TRHDE: variants seen among roughly 807,000 people sequenced by gnomAD.
TRHDE encodes the protein thyrotropin-releasing hormone-degrading ectoenzyme.
TRHDE carries 72 observed loss-of-function variants against 125.7 expected under a neutral mutation model. The observed-to-expected ratio is 0.57, with a 90% CI of 0.47 to 0.70. TRHDE has a LOEUF of 0.70. Ranked by LOEUF, TRHDE falls within the 30% of genes least tolerant of loss-of-function variation. The probability of loss-of-function intolerance (pLI) is 0.00; values close to 1 mark genes in which losing one functional copy is unlikely to be tolerated. For synonymous variants in TRHDE, 509 were observed against 509.1 expected, an observed-to-expected ratio of 1.00 and a Z score of 0.00; for missense variants, 1,110 against 1,327.1, an observed-to-expected ratio of 0.84 and a Z score of 2.54.
intron 1 of TRHDE, among the ~76,000 whole-genome samples, chr12:72,098,713 A>G (rs916117233): frequency 1.3e-5 from 2 of 152,304 alleles, no homozygotes; most frequent in Middle Eastern, 3.4e-3. Flanking sequence ...ATGAGAGACC[A>G]TGTGGAGAAC....
intron 2 of TRHDE, among the ~76,000 whole-genome samples, chr12:72,300,365 TACAC>T (rs10642447): frequency 0.018 from 1,853 of 102,604 alleles, 12 homozygotes; most frequent in African/African-American, 0.025. Flanking sequence ...TATATGTGTA[TACAC>T]ACACACACAC....
At chr12:72,092,014 A>C (rs1328410732) in intron 1 of TRHDE, among the ~76,000 whole-genome samples, 1 of 152,174 alleles carries the variant, frequency 6.6e-6, no homozygotes, top group Non-Finnish European at 1.5e-5. Context: ...TTCTGTGTTC[A>C]TCCCTTCATT....
intron 2 of TRHDE, among the ~76,000 whole-genome samples, chr12:72,246,175 C>CA (rs931996430): frequency 7.3e-5 from 11 of 151,090 alleles, no homozygotes; most frequent in African/African-American, 2.7e-4. Flanking sequence ...ATATTGTCCT[C>CA]AAAAAAAACT....
At chr12:72,514,528 C>A (rs1390679864) in intron 6 of TRHDE, among the ~76,000 whole-genome samples, 1 of 151,652 alleles carries the variant, frequency 6.6e-6, no homozygotes, top group Non-Finnish European at 1.5e-5. Flanking sequence ...ACTGAAGATA[C>A]TGTGTATTCA....
intron 3 of TRHDE, among the ~76,000 whole-genome samples, chr12:72,422,944 C>A (rs866227608): frequency 1.1e-4 from 17 of 152,102 alleles, no homozygotes; most frequent in African/African-American, 3.4e-4. Context: ...GCCTCCAGAA[C>A]TGTCAACCAA....
At chr12:72,344,704 T>G (rs557318772) in intron 2 of TRHDE, among the ~76,000 whole-genome samples, 1 of 152,072 alleles carries the variant, frequency 6.6e-6, no homozygotes, top group South Asian at 2.1e-4. Flanking sequence ...GGGTCCTGGA[T>G]TGCCCCTAAT....
At chr12:72,564,832 A>G (rs921777875) in intron 9 of TRHDE, among the ~76,000 whole-genome samples, 1 of 151,360 alleles carries the variant, frequency 6.6e-6, no homozygotes, top group Non-Finnish European at 1.5e-5. Flanking sequence ...ACACCCGGCT[A>G]ATTTTTTGTA....
intron 18 of TRHDE, among the ~76,000 whole-genome samples, chr12:72,657,573 T>C (rs1874755217): frequency 6.6e-6 from 1 of 152,170 alleles, no homozygotes; most frequent in Non-Finnish European, 1.5e-5. Flanking sequence ...CTTGGTACAA[T>C]CACAAGTGAA....
chr12:72,466,421 G>T (rs927674855), intron 3 of TRHDE, among the ~76,000 whole-genome samples: 2 of 152,166 alleles, frequency 1.3e-5, no homozygotes, highest in Admixed American at 1.3e-4. Flanking sequence ...CAGAAGGCTT[G>T]TTCCTTAGTC....
At chr12:72,109,410 G>A (rs1332409200) in intron 2 of TRHDE, among the ~76,000 whole-genome samples, 1 of 151,958 alleles carries the variant, frequency 6.6e-6, no homozygotes, top group Admixed American at 6.6e-5. Context: ...TATATGCTTG[G>A]CTGCATATAA....
intron 2 of TRHDE, among the ~76,000 whole-genome samples, chr12:72,177,123 G>T (rs954653842): frequency 2.8e-5 from 4 of 144,848 alleles, no homozygotes; most frequent in African/African-American, 7.6e-5. Context: ...ATCACCAAAG[G>T]TTTTTTTTTT....
At chr12:72,157,561 G>A (rs570577581) in intron 2 of TRHDE, among the ~76,000 whole-genome samples, 1 of 152,256 alleles carries the variant, frequency 6.6e-6, no homozygotes, top group Non-Finnish European at 1.5e-5. Flanking sequence ...CTGATGGATT[G>A]GATATGGAGT....
intron 2 of TRHDE, among the ~76,000 whole-genome samples, chr12:72,251,406 C>G (rs1359731424): frequency 7.4e-6 from 1 of 134,586 alleles, no homozygotes; most frequent in African/African-American, 2.7e-5. Context: ...GAGTATATAA[C>G]CTTTTGGAAT....
At chr12:72,454,245 G>A (rs2135874968) in intron 3 of TRHDE, among the ~76,000 whole-genome samples, 1 of 152,180 alleles carries the variant, frequency 6.6e-6, no homozygotes, top group South Asian at 2.1e-4. Context: ...ATGAAAATGG[G>A]ATAAAATGGA....
At chr12:72,271,916 T>TGCAACCTCCTGCCGTTTGCC (rs1372773436), upstream of TRHDE, 1 of 456,592 alleles carries the variant, frequency 2.2e-6, no homozygotes, top group Admixed American at 2.3e-5. Context: ...CTGTCGGGTC[T>TGCAACCTCCTGCCGTTTGCC]GCAACCTCCT....
chr12:72,431,626 A>G (rs1373203607), intron 3 of TRHDE: 1 of 150,290 alleles, frequency 6.7e-6, no homozygotes, highest in Non-Finnish European at 1.5e-5. Flanking sequence ...AGATCTGCCA[A>G]TAACAGGAAG....
chr12:72,166,742 C>T (rs750415309), intron 2 of TRHDE, among the ~76,000 whole-genome samples: 1 of 152,128 alleles, frequency 6.6e-6, no homozygotes, highest in African/African-American at 2.4e-5. Flanking sequence ...TTTCTCAAGA[C>T]ATGGGGCATG....
chr12:72,293,473 G>A (rs1178202586), intron 2 of TRHDE, among the ~76,000 whole-genome samples: 2 of 152,082 alleles, frequency 1.3e-5, no homozygotes, highest in African/African-American at 4.8e-5. Flanking sequence ...TTCCATTTTG[G>A]GTCTTTGTCA....
At chr12:72,496,908 G>A (rs1036228560) in intron 5 of TRHDE, among the ~76,000 whole-genome samples, 27 of 152,000 alleles carry the variant, frequency 1.8e-4, no homozygotes, top group Non-Finnish European at 5.9e-5. Context: ...TAAAAAATTA[G>A]CACCTTCTCT....
Sources: allele counts gnomAD v4.1 joint callset (sites outside exome capture counted in the v4.1 genomes callset), GRCh38; gene constraint gnomAD v4.1.1; transcripts MANE v1.5; gene names NCBI Gene and HGNC (gene_info 2026-07-23, HGNC 2026-07-21).